Variants in SLC44A5 observed in about 807,000 individuals in gnomAD.
SLC44A5 encodes the protein choline transporter-like protein 5.
SLC44A5 carries 57 observed loss-of-function variants against 101.8 expected under a neutral mutation model. The observed-to-expected ratio is 0.56, with a 90% confidence interval of 0.45 to 0.70. The LOEUF is 0.70. Ranked by LOEUF, SLC44A5 falls within the 30% of genes least tolerant of loss-of-function variation. The probability of loss-of-function intolerance (pLI) is 0.00; values close to 1 mark genes in which losing one functional copy is unlikely to be tolerated. For synonymous variants in SLC44A5, 281 were observed against 290.9 expected, an observed-to-expected ratio of 0.97 and a Z score of 0.35; for missense variants, 737 against 853.1, an observed-to-expected ratio of 0.86 and a Z score of 1.70.
At chr1:75,673,501 G>A in the SLC44A5 span, among the ~76,000 whole-genome samples, 1 of 152,126 alleles carries the variant, frequency 6.6e-6, no homozygotes, top group African/African-American at 2.4e-5. Context: ...TCACTGCCCT[G>A]AAGGGAAAGA....
chr1:75,286,690 C>G (rs772505548), intron 5 of SLC44A5, among the ~76,000 whole-genome samples: 1 of 151,976 alleles, frequency 6.6e-6, no homozygotes, highest in Admixed American at 6.6e-5. Flanking sequence ...TCTCTCAGCA[C>G]TTATTTGTCT....
Position 75,242,949 on chromosome 1 carries a change from T to C in SLC44A5, c.408A>G (p.Thr136=), listed in dbSNP as rs1427401141. ...AGTCTTCCCAGTAGCTTTTGTCTTT[T>C]GTGTACAAAAGTTGCATTTCCACAT... ...LTYVEMQLLY[T]KDKSYWEDYR... is the part of the protein sequence containing the mutation. Residue 136 remains threonine, a synonymous_variant, in exon 8 of 24, where the codon ACA becomes ACG. Coordinates refer to ENST00000370859, the MANE Select transcript of SLC44A5 (RefSeq NM_001130058.2). The C allele has an allele frequency of 1.2e-6, 2 of 1,612,590 alleles. No homozygotes were observed. The highest frequency in any genetic ancestry group is 1.3e-5 in the African/African-American group (1 of 74,842).
At chr1:75,704,209 G>C in the SLC44A5 span, among the ~76,000 whole-genome samples, 2 of 152,126 alleles carry the variant, frequency 1.3e-5, no homozygotes, top group African/African-American at 2.4e-5. Context: ...AGGATTATTA[G>C]GTATAAGGTA....
intron 5 of SLC44A5, among the ~76,000 whole-genome samples, chr1:75,276,538 T>C (rs543841323): frequency 2.6e-5 from 4 of 152,242 alleles, no homozygotes; most frequent in African/African-American, 9.6e-5. Flanking sequence ...CTTAATTATT[T>C]TGAGTCCTGA....
At chr1:75,688,542 G>A in the SLC44A5 span, among the ~76,000 whole-genome samples, 1 of 152,102 alleles carries the variant, frequency 6.6e-6, no homozygotes, top group Non-Finnish European at 1.5e-5. Flanking sequence ...GATAATAAAT[G>A]TTCAGATAGA....
At chr1:75,239,549 G>A (rs910167697) in intron 9 of SLC44A5, among the ~76,000 whole-genome samples, 9 of 151,956 alleles carry the variant, frequency 5.9e-5, no homozygotes, top group African/African-American at 2.2e-4. Context: ...GGATTTTCTT[G>A]TCTGCTCACC....
At chr1:75,585,817 G>C (rs200579565) in intron 1 of SLC44A5, among the ~76,000 whole-genome samples, 1 of 151,922 alleles carries the variant, frequency 6.6e-6, no homozygotes, top group South Asian at 2.1e-4. Context: ...ATTCTAATGG[G>C]GGACTCATAA....
chr1:75,616,844 G>A, the SLC44A5 span, among the ~76,000 whole-genome samples: 998 of 152,324 alleles, frequency 6.6e-3, 10 homozygotes, highest in African/African-American at 0.023. Context: ...TGGGAAAAGA[G>A]GGAAGTTCAC....
intron 3 of SLC44A5, among the ~76,000 whole-genome samples, chr1:75,368,620 C>T (rs1434580799): frequency 6.6e-6 from 1 of 150,554 alleles, no homozygotes; most frequent in African/African-American, 2.4e-5. Context: ...ATTTTGCTCT[C>T]TCTGTCTCTT....
intron 7 of SLC44A5, among the ~76,000 whole-genome samples, chr1:75,249,523 A>C (rs1481752524): frequency 6.6e-6 from 1 of 152,122 alleles, no homozygotes; most frequent in Admixed American, 6.6e-5. Flanking sequence ...CAGGTGGCCA[A>C]GCAAACGGCT....
chr1:75,326,051 A>AT (rs1200925834), intron 4 of SLC44A5, among the ~76,000 whole-genome samples: 1 of 149,218 alleles, frequency 6.7e-6, no homozygotes, highest in Non-Finnish European at 1.5e-5. Context: ...ATTTTGAAGC[A>AT]TTTTTTATTT....
At chr1:75,447,073 GC>G (rs1424021429) in intron 2 of SLC44A5, among the ~76,000 whole-genome samples, 1 of 152,178 alleles carries the variant, frequency 6.6e-6, no homozygotes, top group African/African-American at 2.4e-5. Flanking sequence ...CAGAGTGGAT[GC>G]CTTACTTAGT....
chr1:75,692,904 A>G, the SLC44A5 span, among the ~76,000 whole-genome samples: 1 of 152,190 alleles, frequency 6.6e-6, no homozygotes, highest in Non-Finnish European at 1.5e-5. Context: ...AGAGTAGTCA[A>G]CAAGTTAGAT....
intron 2 of SLC44A5, among the ~76,000 whole-genome samples, chr1:75,420,750 C>T (rs191682474): frequency 5.7e-4 from 87 of 152,078 alleles, no homozygotes; most frequent in Non-Finnish European, 7.9e-4. Context: ...TTAATAATTA[C>T]GATAACTCAA....
chr1:75,238,674 T>C lies in SLC44A5; in HGVS notation c.533-38A>G, dbSNP rs529714822. On this transcript the variant is annotated intron_variant, in intron 9 of 23. Transcript: ENST00000370859. ...ATTAAAATTATTGTAATCACTTTTC[T>C]ATTTCTTCTTTAATGATGTCCTCCC... 6.1e-5 allele frequency: 84 copies of C among 1,367,580 alleles called. No individual in the cohort carries two copies. In the South Asian group the frequency reaches 1.1e-3, roughly 17 times the overall value. The allele number at this position is 1,367,580 out of a possible 1,614,324, so 84.7% of individuals were successfully genotyped here. A position where few individuals can be genotyped will look rare whatever the true frequency, so the allele number is the denominator to read the frequency against.
At chr1:75,627,828 G>A in the SLC44A5 span, among the ~76,000 whole-genome samples, 9 of 150,206 alleles carry the variant, frequency 6.0e-5, no homozygotes, top group African/African-American at 2.2e-4. Context: ...GCACAGGAAA[G>A]GAAACTCTTC....
At chr1:75,376,227 G>A (rs1660588770) in intron 3 of SLC44A5, among the ~76,000 whole-genome samples, 1 of 152,228 alleles carries the variant, frequency 6.6e-6, no homozygotes, top group African/African-American at 2.4e-5. Flanking sequence ...AGCAGTCTGA[G>A]ATCAAACTGC....
At chr1:75,533,120 C>T (rs1323456082) in intron 2 of SLC44A5, among the ~76,000 whole-genome samples, 4 of 152,150 alleles carry the variant, frequency 2.6e-5, no homozygotes, top group African/African-American at 7.2e-5. Context: ...TCAAGTTCTG[C>T]CTTTTCCTTT....
chr1:75,410,282 G>A (rs543797113), intron 2 of SLC44A5, among the ~76,000 whole-genome samples: 1 of 152,100 alleles, frequency 6.6e-6, no homozygotes, highest in East Asian at 1.9e-4. Flanking sequence ...GAAAAGGATA[G>A]ACTTGGCCAT....
Sources: allele counts gnomAD v4.1 joint callset (sites outside exome capture counted in the v4.1 genomes callset), GRCh38; gene constraint gnomAD v4.1.1; transcripts MANE v1.5; gene names NCBI Gene and HGNC (gene_info 2026-07-23, HGNC 2026-07-21).